The following POLDIP3 variants were observed in gnomAD, a reference collection of about 807,000 sequenced individuals.
The protein encoded by POLDIP3 is polymerase delta-interacting protein 3.
In POLDIP3, 14 loss-of-function variants were observed where a neutral mutation model predicts 45.1. The ratio of observed to expected loss-of-function variants is 0.31; its 90% confidence interval spans 0.20 to 0.49. The LOEUF (loss-of-function observed/expected upper bound fraction) is 0.49. Among genes scored for constraint, POLDIP3 ranks in the 20% least tolerant of loss-of-function variants. The pLI, the probability that POLDIP3 is intolerant of heterozygous loss-of-function variation, is 0.99. For missense variants in POLDIP3, 511 were observed against 538.8 expected (o/e 0.95, Z 0.51); for synonymous variants, 223 against 205.2 (o/e 1.09, Z -0.74).
At position 42,596,290 on chromosome 22, in the gene POLDIP3, T is replaced by G; in HGVS notation, c.709A>C (p.Thr237Pro). 3 of 1,614,092 alleles carry G rather than the reference T, an allele frequency of 1.9e-6. No homozygotes were observed. The highest frequency in any genetic ancestry group is 2.5e-6 in the Non-Finnish European group (3 of 1,179,940). ...LTKVVQNDAY[T>P]APALPSSIRT... Reference sequence around the variant, plus strand: ...ATAGAGGAAGGGAGAGCAGGAGCTGTGTATGCATCATTCTGAACCACTTTG... The same window carrying G: ...ATAGAGGAAGGGAGAGCAGGAGCTGGGTATGCATCATTCTGAACCACTTTG... The change falls in exon 5 of 9, where the codon ACA becomes CCA. Residue 237 changes from threonine to proline, a missense_variant. Around this residue, in one of 4 missense-constraint regions of POLDIP3, gnomAD observed 378 missense variants for 352.3 expected, o/e 1.07. Coordinates refer to ENST00000252115, the MANE Select transcript of POLDIP3 (RefSeq NM_032311.5).
Position 42,585,243 on chromosome 22 carries a change from G to C in POLDIP3, c.*548C>G, listed in dbSNP as rs1214134658. The C allele has an allele frequency of 3.9e-6, 2 of 516,100 alleles. No individual in the cohort carries two copies. The highest frequency in any genetic ancestry group is 5.5e-5 in the East Asian group (1 of 18,304). 32.0% of individuals were successfully genotyped at this position (516,100 alleles called of 1,614,324 possible). A position where few individuals can be genotyped will look rare whatever the true frequency, so the allele number is the denominator to read the frequency against. ...CCTGGAGCCACTGGGGAGAGGACAA[G>C]AGGCCTGAGACCTGCTCCCCACCCA... On this transcript the variant is annotated 3_prime_UTR_variant, in exon 9 of 9. Transcript: ENST00000252115.
At chr22:42,610,181 A>T (rs1388038985) in intron 1 of POLDIP3, among the ~76,000 whole-genome samples, 1 of 152,220 alleles carries the variant, frequency 6.6e-6, no homozygotes, top group Non-Finnish European at 1.5e-5. Flanking sequence ...TCTCAAAAAT[A>T]AATAAATAAA....
Position 42,585,357 on chromosome 22 carries a change from T to C in POLDIP3, c.*434A>G, listed in dbSNP as rs534227739. 60 of 439,480 alleles carry C rather than the reference T, an allele frequency of 1.4e-4. No individual in the cohort carries two copies. Among genetic ancestry groups the C allele is most frequent in the African/African-American group, 9.9e-4 (49 of 49,360 alleles). The allele number at this position is 439,480 out of a possible 1,614,324, so 27.2% of individuals were successfully genotyped here. On this transcript the variant is annotated 3_prime_UTR_variant, in exon 9 of 9. Coordinates refer to ENST00000252115, the MANE Select transcript of POLDIP3 (RefSeq NM_032311.5). ...ACACCAGGGCTCTCCATCCCCTCCA[T>C]TGTTTGAAAAGCTTAATACACACAA... is the stretch of plus-strand genomic sequence containing the variant.
Position 42,585,648 on chromosome 22 carries a change from T to A in POLDIP3, c.*143A>T. 1 of 925,510 alleles carries A rather than the reference T, an allele frequency of 1.1e-6. No homozygotes were observed. The highest frequency in any genetic ancestry group is 1.7e-6 in the Non-Finnish European group (1 of 599,180). The allele number at this position is 925,510 out of a possible 1,614,324, so 57.3% of individuals were successfully genotyped here. On this transcript the variant is annotated 3_prime_UTR_variant, in exon 9 of 9. Coordinates refer to ENST00000252115, the MANE Select transcript of POLDIP3 (RefSeq NM_032311.5). ...ACACAACACAGAAAGGCGGGTCCCA[T>A]CCAGTGAGGAAGCTCTTTATCCCTG... is the stretch of plus-strand genomic sequence containing the variant.
chr22:42,609,114 G>A (rs931282935), intron 1 of POLDIP3, among the ~76,000 whole-genome samples: 2 of 152,182 alleles, frequency 1.3e-5, no homozygotes, highest in African/African-American at 2.4e-5. Flanking sequence ...TTCTAGAACT[G>A]CTGGGGGCTC....
chr22:42,605,717 C>A (rs900671562), intron 1 of POLDIP3, among the ~76,000 whole-genome samples: 2 of 151,976 alleles, frequency 1.3e-5, no homozygotes, highest in African/African-American at 4.8e-5. Context: ...TCGGCATGCA[C>A]GATTAGAAAG....
intron 4 of POLDIP3, chr22:42,597,874 G>A (rs958763523): frequency 2.0e-5 from 8 of 396,446 alleles, no homozygotes; most frequent in Non-Finnish European, 4.0e-5. Context: ...TCCACCTCGG[G>A]GTTCAAACAA....
intron 4 of POLDIP3, among the ~76,000 whole-genome samples, chr22:42,598,995 C>T (rs140613383): frequency 6.6e-6 from 1 of 152,210 alleles, no homozygotes; most frequent in East Asian, 1.9e-4. Context: ...AGATGTATTC[C>T]TGCTAATGTT....
chr22:42,585,710 G>C lies in POLDIP3; in HGVS notation c.*81C>G. ...CACAATCAGGGGTCTCCAGTCCGAT[G>C]GCCCATTGGTCATAAGCTTTGCCTT... On this transcript the variant is annotated 3_prime_UTR_variant, in exon 9 of 9. Transcript: ENST00000252115. 4 of 1,470,728 alleles carry C rather than the reference G, an allele frequency of 2.7e-6. No individual in the cohort carries two copies. The highest frequency in any genetic ancestry group is 3.7e-6 in the Non-Finnish European group (4 of 1,086,692). 91.1% of individuals were successfully genotyped at this position (1,470,728 alleles called of 1,614,324 possible). A position where few individuals can be genotyped will look rare whatever the true frequency, so the allele number is the denominator to read the frequency against.
At chr22:42,608,334 G>A (rs1926904008) in intron 1 of POLDIP3, among the ~76,000 whole-genome samples, 2 of 148,540 alleles carry the variant, frequency 1.3e-5, no homozygotes, top group African/African-American at 2.5e-5. Flanking sequence ...AAGGCAGGAG[G>A]ATCAACTAAG....
At chr22:42,599,178 C>T (rs1049576891) in intron 4 of POLDIP3, among the ~76,000 whole-genome samples, 7 of 152,224 alleles carry the variant, frequency 4.6e-5, no homozygotes, top group African/African-American at 1.2e-4. Flanking sequence ...CAGCCCTGTA[C>T]TTCACTTGCT....
In POLDIP3 at chr22:42,585,347, A is replaced by G. The variant is rs1187881686; in HGVS notation, c.*444T>C. ...TCCCGTCAGGACACCAGGGCTCTCCATCCCCTCCATTGTTTGAAAAGCTTA... is the reference window on the plus strand; with the variant it reads ...TCCCGTCAGGACACCAGGGCTCTCCGTCCCCTCCATTGTTTGAAAAGCTTA... On this transcript the variant is annotated 3_prime_UTR_variant, in exon 9 of 9. Coordinates refer to ENST00000252115, the MANE Select transcript of POLDIP3 (RefSeq NM_032311.5). 4.4e-6 allele frequency: 2 copies of G among 452,626 alleles called. No individual in the cohort carries two copies. Among genetic ancestry groups the G allele is most frequent in the Non-Finnish European group, 8.8e-6 (2 of 227,082 alleles). The allele number at this position is 452,626 out of a possible 1,614,324, so 28.0% of individuals were successfully genotyped here.
chr22:42,600,475 A>G (rs1926285435), intron 3 of POLDIP3, among the ~76,000 whole-genome samples: 1 of 151,184 alleles, frequency 6.6e-6, no homozygotes, highest in Admixed American at 6.6e-5. Flanking sequence ...AAATACAAAC[A>G]ATGAGCCGGG....
At chr22:42,590,152 C>T (rs1017605589) in intron 7 of POLDIP3, among the ~76,000 whole-genome samples, 1 of 152,134 alleles carries the variant, frequency 6.6e-6, no homozygotes, top group Admixed American at 6.6e-5. Flanking sequence ...TACCAAAACA[C>T]GGAATGCAGT....
chr22:42,602,109 TAGA>T (rs1466712655), intron 2 of POLDIP3, 53 bp from the exon 3 acceptor site: 12 of 1,612,394 alleles, frequency 7.4e-6, no homozygotes, highest in East Asian at 2.2e-5. Context: ...ATGCATTCTC[TAGA>T]AGAAGGGGGT....
chr22:42,596,510 CT>C lies in POLDIP3; in HGVS notation c.634-146del, dbSNP rs1926003741. The stretch of plus-strand genomic sequence containing the variant: ...TATTAGAGGTCTGGAGCCAAAAAGG[CT>C]GCCGGCTGCCAGTGACATCCCATAG... On this transcript the variant is annotated intron_variant, in intron 4 of 8. Coordinates refer to ENST00000252115, the MANE Select transcript of POLDIP3 (RefSeq NM_032311.5). 5 of 790,876 alleles carry C rather than the reference CT, an allele frequency of 6.3e-6. No homozygotes were observed. The South Asian group carries it at 9.6e-5, about 15-fold the overall frequency. The allele number at this position is 790,876 out of a possible 1,614,324, so 49.0% of individuals were successfully genotyped here.
chr22:42,613,607 A>C (rs1927263851), intron 1 of POLDIP3, among the ~76,000 whole-genome samples: 2 of 152,068 alleles, frequency 1.3e-5, no homozygotes, highest in South Asian at 4.2e-4. Flanking sequence ...CTAAAAATAC[A>C]AAAATTAGCC....
rs911977009 is a variant in POLDIP3, at chr22:42,602,045, C to G, written c.462G>C (p.Gln154His). The part of the protein sequence containing the change: ...KLTKTIQVPQ[Q>H]KAMAPLHPHP... ...GGGGATGAAGTGGTGCCATGGCTTT[C>G]TGCTGTGGAACCTGGAAACACTCAG... The change falls in exon 3 of 9, where the codon CAG becomes CAC. Residue 154 changes from glutamine to histidine, a missense_variant. Physicochemically the swap from Gln to His is conservative, Grantham distance 24 (BLOSUM62 0). Coordinates refer to ENST00000252115, the MANE Select transcript of POLDIP3 (RefSeq NM_032311.5). The G allele has an allele frequency of 1.2e-6, 2 of 1,614,176 alleles. No individual in the cohort carries two copies. Among genetic ancestry groups the G allele is most frequent in the Non-Finnish European group, 1.7e-6 (2 of 1,180,026 alleles).
chr22:42,591,085 A>T (rs554557740), intron 7 of POLDIP3, among the ~76,000 whole-genome samples: 68 of 150,920 alleles, frequency 4.5e-4, no homozygotes, highest in African/African-American at 3.9e-4. Flanking sequence ...ATAAAAAAAT[A>T]AAAAAATAAT....
Sources: allele counts gnomAD v4.1 joint callset (sites outside exome capture counted in the v4.1 genomes callset), GRCh38; gene constraint gnomAD v4.1.1; regional missense constraint gnomAD v4.1.1; transcripts MANE v1.5; gene names NCBI Gene and HGNC (gene_info 2026-07-23, HGNC 2026-07-21).